PRELID2: variants seen among roughly 807,000 people sequenced by gnomAD.
The protein encoded by PRELID2 is PRELI domain containing 2.
In PRELID2, 25 loss-of-function variants were observed where a neutral mutation model predicts 28.4. That is an observed-to-expected ratio of 0.88 (90% CI 0.64 to 1.23). The LOEUF (loss-of-function observed/expected upper bound fraction) is 1.23. PRELID2 is among the 50% of genes most tolerant of loss of function. PRELID2 has a pLI of 0.00. For missense variants in PRELID2, 201 were observed against 214.4 expected (o/e 0.94, Z 0.39); for synonymous variants, 76 against 71.6 (o/e 1.06, Z -0.31).
chr5:145,300,700 C>CTTTTTTTTTTTTTTTTTTTTT, the PRELID2 span, among the ~76,000 whole-genome samples: 1 of 128,422 alleles, frequency 7.8e-6, no homozygotes, highest in Non-Finnish European at 1.6e-5. Flanking sequence ...TTTTTATTTA[C>CTTTTTTTTTTTTTTTTTTTTT]TTTTTTTTTT....
chr5:145,261,121 G>A, the PRELID2 span, among the ~76,000 whole-genome samples: 2 of 152,056 alleles, frequency 1.3e-5, no homozygotes, highest in Non-Finnish European at 2.9e-5. Flanking sequence ...AATTTCATTG[G>A]CCTGAGAACC....
chr5:145,443,720 G>T, the PRELID2 span, among the ~76,000 whole-genome samples: 2 of 151,962 alleles, frequency 1.3e-5, no homozygotes, highest in African/African-American at 4.8e-5. Context: ...CAAAAATGCC[G>T]TCAGCACAAC....
At chr5:145,698,220 T>G (rs1268068151) in intron 1 of PRELID2, among the ~76,000 whole-genome samples, 3 of 152,186 alleles carry the variant, frequency 2.0e-5, no homozygotes, top group Admixed American at 2.0e-4. Flanking sequence ...CTACTATATA[T>G]CAGGCAATGC....
chr5:145,444,546 T>C, the PRELID2 span, among the ~76,000 whole-genome samples: 3 of 152,052 alleles, frequency 2.0e-5, no homozygotes, highest in African/African-American at 7.2e-5. Flanking sequence ...TGATTTTCTC[T>C]GGATATTTGC....
chr5:145,284,474 G>T, the PRELID2 span, among the ~76,000 whole-genome samples: 11 of 152,156 alleles, frequency 7.2e-5, no homozygotes, highest in Middle Eastern at 3.4e-3. Flanking sequence ...TATGTATAAG[G>T]AGGCAAAAGA....
chr5:145,458,942 AAAG>A, the PRELID2 span, among the ~76,000 whole-genome samples: 1,067 of 152,332 alleles, frequency 7.0e-3, 3 homozygotes, highest in Middle Eastern at 0.02. Flanking sequence ...CAGAGCATCA[AAAG>A]AAGAGGGAGG....
At chr5:145,405,757 G>A in the PRELID2 span, among the ~76,000 whole-genome samples, 1 of 142,666 alleles carries the variant, frequency 7.0e-6, no homozygotes, top group Admixed American at 7.4e-5. Flanking sequence ...TGAGGCTGGA[G>A]TGCAGTGGTG....
intron 1 of PRELID2, among the ~76,000 whole-genome samples, chr5:145,653,658 A>G (rs1754339843): frequency 6.6e-6 from 1 of 152,230 alleles, no homozygotes; most frequent in South Asian, 2.1e-4. Context: ...CACTGGGTAC[A>G]TAACGAAATG....
Position 145,835,311 on chromosome 5 carries a change from G to A in PRELID2, c.-60C>T, listed in dbSNP as rs1561666384. The A allele has an allele frequency of 4.7e-6, 6 of 1,271,838 alleles. No individual in the cohort carries two copies. Among genetic ancestry groups the A allele is most frequent in the East Asian group, 5.1e-5 (2 of 38,844 alleles). The allele number at this position is 1,271,838 out of a possible 1,614,324, so 78.8% of individuals were successfully genotyped here. ...CCTCCGCGAGCTCAGAGCTGCCCAG[G>A]GCTCCGCAGAGGCCCGGAGGCGCCC... On this transcript the variant is annotated 5_prime_UTR_variant, in exon 1 of 7. Coordinates refer to ENST00000683046, the MANE Select transcript of PRELID2 (RefSeq NM_205846.3).
chr5:145,624,469 T>C (rs1221505926), intron 1 of PRELID2, among the ~76,000 whole-genome samples: 2 of 152,108 alleles, frequency 1.3e-5, no homozygotes, highest in Admixed American at 1.3e-4. Flanking sequence ...CAAAAGACAC[T>C]CTTACTGTCC....
intron 1 of PRELID2, among the ~76,000 whole-genome samples, chr5:145,541,227 G>T (rs1265213357): frequency 6.6e-6 from 1 of 152,064 alleles, no homozygotes; most frequent in Non-Finnish European, 1.5e-5. Flanking sequence ...ATATAATAAG[G>T]TGATGTAATA....
intron 1 of PRELID2, among the ~76,000 whole-genome samples, chr5:145,610,928 A>G (rs1236428582): frequency 6.6e-6 from 1 of 150,662 alleles, no homozygotes; most frequent in East Asian, 1.9e-4. Context: ...GCAGTGAACA[A>G]AAGACCCTAA....
At chr5:145,505,572 T>C (rs1752404185) in intron 1 of PRELID2, among the ~76,000 whole-genome samples, 1 of 152,218 alleles carries the variant, frequency 6.6e-6, no homozygotes, top group Admixed American at 6.5e-5. Flanking sequence ...TCAGATCATA[T>C]GACTCTCCAG....
chr5:145,819,442 C>A (rs750553185), intron 3 of PRELID2: 1 of 1,508,820 alleles, frequency 6.6e-7, no homozygotes, highest in Non-Finnish European at 9.2e-7. Flanking sequence ...AATTTGCTAT[C>A]ATGAAGATTT....
the PRELID2 span, among the ~76,000 whole-genome samples, chr5:145,230,284 GA>G: frequency 4.6e-5 from 7 of 151,918 alleles, no homozygotes; most frequent in Admixed American, 3.9e-4. Flanking sequence ...ACAATTAAAA[GA>G]AAAAAAGGCA....
intron 4 of PRELID2, among the ~76,000 whole-genome samples, chr5:145,815,619 G>A (rs1009152390): frequency 6.6e-5 from 10 of 152,278 alleles, no homozygotes; most frequent in African/African-American, 2.4e-4. Context: ...TGTCACTATG[G>A]ATTTACACAT....
chr5:145,736,979 A>C (rs1303270154), intron 1 of PRELID2, among the ~76,000 whole-genome samples: 1 of 152,098 alleles, frequency 6.6e-6, no homozygotes, highest in Non-Finnish European at 1.5e-5. Flanking sequence ...CCTCAGGAAC[A>C]ATTTTATTTT....
chr5:145,769,557 G>T (rs1243519388), intron 5 of PRELID2, among the ~76,000 whole-genome samples: 1 of 152,172 alleles, frequency 6.6e-6, no homozygotes, highest in African/African-American at 2.4e-5. Flanking sequence ...AGGAGGCTTG[G>T]AAGAGAGTAA....
chr5:145,743,411 CAA>C (rs59424142), intron 1 of PRELID2, among the ~76,000 whole-genome samples: 80,178 of 101,442 alleles, frequency 0.79, 30,925 homozygotes, highest in East Asian at 0.92. Flanking sequence ...AACTCTGCGG[CAA>C]AAAAAAAAAA....
Sources: allele counts gnomAD v4.1 joint callset (sites outside exome capture counted in the v4.1 genomes callset), GRCh38; gene constraint gnomAD v4.1.1; transcripts MANE v1.5; gene names NCBI Gene and HGNC (gene_info 2026-07-23, HGNC 2026-07-21).